CDS1: variants seen among roughly 807,000 people sequenced by gnomAD.
CDS1 encodes CDP-diacylglycerol synthase 1.
Under a neutral mutation model 62.1 loss-of-function variants are expected in CDS1, and 41 were observed. The ratio of observed to expected loss-of-function variants is 0.66; its 90% confidence interval spans 0.51 to 0.86. The LOEUF is 0.86. CDS1 is among the 40% of genes least tolerant of loss of function. The pLI is 0.00. For synonymous variants in CDS1, 185 were observed against 192.6 expected, an observed-to-expected ratio of 0.96 and a Z score of 0.32; for missense variants, 470 against 550.1, an observed-to-expected ratio of 0.85 and a Z score of 1.46.
rs1179966961 is a variant in CDS1, at chr4:84,643,053, C to G, written c.1062C>G (p.Ile354Met). 1 of 1,610,922 alleles carries G rather than the reference C, an allele frequency of 6.2e-7. No homozygotes were observed. The highest frequency in any genetic ancestry group is 1.7e-5 in the Admixed American group (1 of 60,002). Residue 354 changes from isoleucine to methionine, a missense_variant, in exon 11 of 13, where the codon ATC becomes ATG. Ile to Met is a conservative substitution (Grantham distance 10). Around this residue, in one of 5 missense-constraint regions of CDS1, gnomAD observed 214 missense variants for 242.4 expected, o/e 0.88. Transcript: ENST00000295887. ...GAGTGAGCTTGTACCCTTTCCAGAT[C>G]CACAGCATTGCACTGTCAACCTTTG... ...QERVSLYPFQ[I>M]HSIALSTFAS... is the part of the protein sequence containing the mutation.
intron 1 of CDS1, among the ~76,000 whole-genome samples, chr4:84,588,015 G>A (rs1464932076): frequency 1.3e-5 from 2 of 152,188 alleles, no homozygotes; most frequent in Non-Finnish European, 2.9e-5. Context: ...CCTCACAAAA[G>A]ACAGCTTTGC....
Position 84,583,449 on chromosome 4 carries a change from G to T in CDS1, c.48G>T (p.Ala16=). 6.3e-7 allele frequency: 1 copy of T among 1,588,324 alleles called. No individual in the cohort carries two copies. Among genetic ancestry groups the T allele is most frequent in the Non-Finnish European group, 8.6e-7 (1 of 1,168,826 alleles). Residue 16 remains alanine, a synonymous_variant, in exon 1 of 13, where the codon GCG becomes GCT. Coordinates refer to ENST00000295887, the MANE Select transcript of CDS1 (RefSeq NM_001263.4). ...HRGSCPGPRE[A]VSPPHREGEA... ...GAAGCTGCCCCGGCCCCAGGGAAGC[G>T]GTGTCGCCGCCACACCGCGAGGGAG...
chr4:84,590,329 T>C (rs1342770397), intron 1 of CDS1, among the ~76,000 whole-genome samples: 1 of 152,208 alleles, frequency 6.6e-6, no homozygotes, highest in Non-Finnish European at 1.5e-5. Context: ...TTTCCAGGAA[T>C]ACTCAAGTTA....
chr4:84,607,318 C>T (rs1560469466), intron 2 of CDS1, among the ~76,000 whole-genome samples: 1 of 151,324 alleles, frequency 6.6e-6, no homozygotes, highest in Non-Finnish European at 1.5e-5. Flanking sequence ...GTATCTTGCT[C>T]TGCCACCCAG....
intron 1 of CDS1, among the ~76,000 whole-genome samples, chr4:84,586,526 C>G (rs887079905): frequency 2.0e-5 from 3 of 152,128 alleles, no homozygotes; most frequent in Non-Finnish European, 4.4e-5. Flanking sequence ...TGCTGTTGAT[C>G]TGACAGGAGG....
intron 4 of CDS1, among the ~76,000 whole-genome samples, chr4:84,618,638 G>A (rs757901907): frequency 6.6e-6 from 1 of 152,114 alleles, no homozygotes; most frequent in Non-Finnish European, 1.5e-5. Context: ...GACATTCCTG[G>A]CCCTTCTGAG....
chr4:84,642,977 A>C, intron 10 of CDS1, 47 bp from the exon 11 acceptor site: 1 of 1,566,584 alleles, frequency 6.4e-7, no homozygotes, highest in East Asian at 2.3e-5. Flanking sequence ...CTCAAATACA[A>C]TTTCAGTGAA....
intron 8 of CDS1, among the ~76,000 whole-genome samples, chr4:84,635,908 C>A (rs1724194042): frequency 6.6e-6 from 1 of 151,546 alleles, no homozygotes; most frequent in Non-Finnish European, 1.5e-5. Flanking sequence ...AGGTGCATGC[C>A]ACCACACCCG....
At chr4:84,596,225 T>C (rs975597254) in intron 1 of CDS1, among the ~76,000 whole-genome samples, 1 of 152,180 alleles carries the variant, frequency 6.6e-6, no homozygotes, top group African/African-American at 2.4e-5. Flanking sequence ...CAAAATGGGC[T>C]GAGGAGCTCC....
chr4:84,587,801 TACC>T (rs1394832446), intron 1 of CDS1, among the ~76,000 whole-genome samples: 13 of 152,168 alleles, frequency 8.5e-5, no homozygotes, highest in African/African-American at 3.1e-4. Context: ...GAAGCTTATA[TACC>T]ATCTTGAGGC....
chr4:84,625,519 T>G (rs1391492807), intron 5 of CDS1, among the ~76,000 whole-genome samples: 1 of 152,090 alleles, frequency 6.6e-6, no homozygotes, highest in Admixed American at 6.6e-5. Context: ...AAGCAGGCAG[T>G]TGCCAGGTAT....
At chr4:84,605,487 G>A (rs939119492) in intron 2 of CDS1, among the ~76,000 whole-genome samples, 9 of 150,322 alleles carry the variant, frequency 6.0e-5, no homozygotes, top group African/African-American at 2.2e-4. Flanking sequence ...AGAATATATT[G>A]GTTAAAAGCA....
intron 1 of CDS1, among the ~76,000 whole-genome samples, chr4:84,587,218 G>A (rs1051130175): frequency 6.6e-6 from 1 of 151,952 alleles, no homozygotes; most frequent in African/African-American, 2.4e-5. Context: ...ATTTGTATTT[G>A]TATATATTTA....
At position 84,609,422 on chromosome 4, in the gene CDS1, T is replaced by C. The variant is rs1723244709; in HGVS notation, c.246-7T>C. ...CGTTAAATACTAACTTTACATTTTC[T>C]TTGTAGGTGGAAAAACTGGTGGATA... On this transcript the variant is annotated splice_region_variant and splice_polypyrimidine_tract_variant and intron_variant, in intron 2 of 12. Transcript: ENST00000295887. 6.4e-7 allele frequency: 1 copy of C among 1,571,112 alleles called. No homozygotes were observed. The highest frequency in any genetic ancestry group is 1.3e-5 in the African/African-American group (1 of 74,136).
intron 2 of CDS1, among the ~76,000 whole-genome samples, chr4:84,608,236 C>T (rs111371082): frequency 0.049 from 7,429 of 152,190 alleles, 525 homozygotes; most frequent in African/African-American, 0.16. Context: ...TGCAGTGGCG[C>T]GATCTTGGCT....
chr4:84,607,051 A>G (rs1199302759), intron 2 of CDS1, among the ~76,000 whole-genome samples: 1 of 152,158 alleles, frequency 6.6e-6, no homozygotes, highest in African/African-American at 2.4e-5. Context: ...TCATGCTCTC[A>G]TGAGAAGTTT....
At chr4:84,636,037 G>A (rs981358040) in intron 8 of CDS1, among the ~76,000 whole-genome samples, 2 of 152,032 alleles carry the variant, frequency 1.3e-5, no homozygotes, top group Non-Finnish European at 2.9e-5. Context: ...GATTAAAGGC[G>A]TGAGCCACCG....
At chr4:84,635,988 C>T (rs1047099011) in intron 8 of CDS1, among the ~76,000 whole-genome samples, 6 of 151,922 alleles carry the variant, frequency 3.9e-5, no homozygotes, top group African/African-American at 1.2e-4. Context: ...AACTCCTAGG[C>T]TCAAGCAGTC....
At chr4:84,621,051 C>A (rs1560475633) in intron 5 of CDS1, among the ~76,000 whole-genome samples, 2 of 152,176 alleles carry the variant, frequency 1.3e-5, no homozygotes. Context: ...CAAGAGGGAA[C>A]CTCCATCTCA....
Sources: allele counts gnomAD v4.1 joint callset (sites outside exome capture counted in the v4.1 genomes callset), GRCh38; gene constraint gnomAD v4.1.1; regional missense constraint gnomAD v4.1.1; transcripts MANE v1.5; gene names NCBI Gene and HGNC (gene_info 2026-07-23, HGNC 2026-07-21).